Variants in NFIL3 observed in about 807,000 individuals in gnomAD.
NFIL3 encodes nuclear factor, interleukin 3 regulated.
A neutral mutation model predicts 10.0 loss-of-function variants in NFIL3; 5 were observed. The ratio of observed to expected loss-of-function variants is 0.50; its 90% CI spans 0.26 to 1.06. The LOEUF (loss-of-function observed/expected upper bound fraction) is 1.06. Ranked by LOEUF, NFIL3 falls within the 50% of genes least tolerant of loss-of-function variation. The pLI is 0.13. For synonymous variants in NFIL3, 202 were observed against 206.5 expected (o/e 0.98, Z 0.19); for missense variants, 436 against 547.6 (o/e 0.80, Z 2.03).
At chr9:91,427,318 G>C (rs145364653), upstream of NFIL3, among the ~76,000 whole-genome samples, 738 of 152,248 alleles carry the variant, frequency 4.8e-3, 35 homozygotes, top group East Asian at 0.1. Flanking sequence ...CTGGGAACAG[G>C]GGGTGGAGAC....
chr9:91,409,836 T>C lies in NFIL3; in HGVS notation c.899A>G (p.His300Arg), dbSNP rs145367933. The change falls in exon 2 of 2, where the codon CAT (histidine) becomes CGT (arginine). Residue 300 changes from histidine to arginine, a missense_variant. His to Arg is a conservative substitution (Grantham distance 29). Transcript: ENST00000297689. The stretch of plus-strand genomic sequence containing the variant: ...CACATGCTTGAGTTCAACTGGAGAA[T>C]GGATGGGGCCCTTGGGGACCTGTTG... The part of the protein sequence containing the change: ...DEQQVPKGPI[H>R]SPVELKHVHA... 2 of 1,614,010 alleles carry C rather than the reference T, an allele frequency of 1.2e-6. No individual in the cohort carries two copies. The highest frequency in any genetic ancestry group is 1.7e-6 in the Non-Finnish European group (2 of 1,180,034).
the NFIL3 span, among the ~76,000 whole-genome samples, chr9:91,481,928 G>T: frequency 6.6e-6 from 1 of 152,086 alleles, no homozygotes; most frequent in Non-Finnish European, 1.5e-5. Flanking sequence ...TTGACTATTT[G>T]CCAGAAAAAT....
the NFIL3 span, among the ~76,000 whole-genome samples, chr9:91,441,677 CT>C: frequency 0.13 from 20,275 of 151,964 alleles, 1,498 homozygotes; most frequent in East Asian, 0.34. Context: ...TAGGTTTTGG[CT>C]TTGTGGTTAC....
the NFIL3 span, among the ~76,000 whole-genome samples, chr9:91,459,011 G>A: frequency 2.6e-5 from 4 of 152,298 alleles, no homozygotes; most frequent in South Asian, 8.3e-4. Context: ...TGCATAAGGT[G>A]CGAAAAACTG....
At chr9:91,460,292 T>TTTTTTTTTTTTTTTTG in the NFIL3 span, among the ~76,000 whole-genome samples, 1 of 142,454 alleles carries the variant, frequency 7.0e-6, no homozygotes, top group Non-Finnish European at 1.5e-5. Context: ...TTTTTTTTTT[T>TTTTTTTTTTTTTTTTG]GAGATGGAGT....
At chr9:91,427,089 A>C (rs555757016), upstream of NFIL3, 1 of 152,182 alleles carries the variant, frequency 6.6e-6, no homozygotes, top group South Asian at 2.1e-4. Flanking sequence ...TTTTTTGGTA[A>C]AATATCCTGA....
At chr9:91,456,222 A>G in the NFIL3 span, among the ~76,000 whole-genome samples, 1 of 152,176 alleles carries the variant, frequency 6.6e-6, no homozygotes, top group Admixed American at 6.5e-5. Flanking sequence ...CAGCACTTTC[A>G]ACATGTGTTT....
chr9:91,435,331 C>G, the NFIL3 span, among the ~76,000 whole-genome samples: 3 of 152,318 alleles, frequency 2.0e-5, no homozygotes, highest in East Asian at 5.8e-4. Flanking sequence ...ATGACCTTGC[C>G]TGCCTGCAGC....
the NFIL3 span, among the ~76,000 whole-genome samples, chr9:91,435,210 C>G: frequency 6.6e-6 from 1 of 152,148 alleles, no homozygotes; most frequent in African/African-American, 2.4e-5. Flanking sequence ...TCTAAATGAT[C>G]AGAACCCAGA....
rs557453241 is a variant in NFIL3, at chr9:91,410,932, C to A, written c.-172-26G>T. 2.2e-4 allele frequency: 113 copies of A among 512,340 alleles called. No individual in the cohort carries two copies. Among genetic ancestry groups the A allele is most frequent in the African/African-American group, 1.3e-3 (65 of 50,880 alleles). The allele number at this position is 512,340 out of a possible 1,614,324, so 31.7% of individuals were successfully genotyped here. On this transcript the variant is annotated intron_variant, in intron 1 of 1. Transcript: ENST00000297689. This position sits in a 1 kb window ranked among gnomAD's most constrained non-coding sequence, Gnocchi z 5.7. ...CTGCAATACATGAATAAAAAAAAAACCAGTTATTCACTGGATAAATGTTTA... is the reference window on the plus strand; with the variant it reads ...CTGCAATACATGAATAAAAAAAAAAACAGTTATTCACTGGATAAATGTTTA...
At chr9:91,465,780 G>A in the NFIL3 span, among the ~76,000 whole-genome samples, 2 of 152,026 alleles carry the variant, frequency 1.3e-5, no homozygotes, top group Admixed American at 1.3e-4. Flanking sequence ...TTCAGGAGTT[G>A]GGCTGTTTAA....
At chr9:91,433,076 A>G in the NFIL3 span, among the ~76,000 whole-genome samples, 2 of 152,240 alleles carry the variant, frequency 1.3e-5, no homozygotes, top group Non-Finnish European at 2.9e-5. Flanking sequence ...GACAGGAAAA[A>G]AAAGAATTAT....
the NFIL3 span, among the ~76,000 whole-genome samples, chr9:91,435,412 G>C: frequency 6.6e-6 from 1 of 152,226 alleles, no homozygotes; most frequent in Non-Finnish European, 1.5e-5. Context: ...TTTGCATCCA[G>C]AATACCAGTT....
At chr9:91,477,454 A>G in the NFIL3 span, among the ~76,000 whole-genome samples, 48 of 152,280 alleles carry the variant, frequency 3.2e-4, no homozygotes, top group African/African-American at 1.1e-3. Flanking sequence ...GACCTTAATT[A>G]TCTCTGCAAA....
At chr9:91,479,263 G>C in the NFIL3 span, among the ~76,000 whole-genome samples, 19 of 152,180 alleles carry the variant, frequency 1.2e-4, no homozygotes, top group Non-Finnish European at 2.4e-4. Context: ...TTTCCCCCAG[G>C]TGCTCTGTCC....
In NFIL3 at chr9:91,413,654, A is replaced by T. The variant is rs114556966; in HGVS notation, c.-172-2748T>A. ...GATTCTTTCCTCTGTTGAAGTCTGC[A>T]CTCTGCCATTCAGCAAAGTCCTCCT... On this transcript the variant is annotated intron_variant, in intron 1 of 1. Coordinates refer to ENST00000297689, the MANE Select transcript of NFIL3 (RefSeq NM_005384.3). Among the ~76,000 whole-genome samples the T allele has an allele frequency of 5.9e-3, 896 of 152,290 alleles. 7 individuals are homozygous for T. Among genetic ancestry groups the T allele is most frequent in the African/African-American group, 0.02 (850 of 41,556 alleles).
chr9:91,469,927 G>T, the NFIL3 span, among the ~76,000 whole-genome samples: 4 of 152,164 alleles, frequency 2.6e-5, no homozygotes, highest in Non-Finnish European at 4.4e-5. Flanking sequence ...GCTGGATTCG[G>T]TTTGCCAGTA....
the NFIL3 span, among the ~76,000 whole-genome samples, chr9:91,457,870 G>A: frequency 2.6e-5 from 4 of 151,986 alleles, no homozygotes; most frequent in African/African-American, 7.2e-5. Context: ...AAGATTTTAA[G>A]ATGAAAAATG....
the NFIL3 span, among the ~76,000 whole-genome samples, chr9:91,470,839 T>A: frequency 6.6e-6 from 1 of 152,192 alleles, no homozygotes; most frequent in East Asian, 1.9e-4. Flanking sequence ...TTTGAGTGAG[T>A]TTCTCAATCC....
Sources: allele counts gnomAD v4.1 joint callset (sites outside exome capture counted in the v4.1 genomes callset), GRCh38; gene constraint gnomAD v4.1.1; non-coding constraint Gnocchi (gnomAD v3.1); transcripts MANE v1.5; gene names NCBI Gene and HGNC (gene_info 2026-07-23, HGNC 2026-07-21).